CAMK4: variants seen among roughly 807,000 people sequenced by gnomAD.
The protein encoded by CAMK4 is calcium/calmodulin dependent protein kinase IV, also known as calcium/calmodulin-dependent protein kinase type IV.
A neutral mutation model predicts 44.9 loss-of-function variants in CAMK4; 22 were observed. The ratio of observed to expected loss-of-function variants is 0.49; its 90% confidence interval spans 0.35 to 0.70. The LOEUF is 0.70. Among genes scored for constraint, CAMK4 ranks in the 30% least tolerant of loss-of-function variants. CAMK4 has a pLI of 0.01. For missense variants in CAMK4, 498 were observed against 586.8 expected, an observed-to-expected ratio of 0.85 and a Z score of 1.56; for synonymous variants, 218 against 215.4, an observed-to-expected ratio of 1.01 and a Z score of -0.11.
intron 1 of CAMK4, among the ~76,000 whole-genome samples, chr5:111,289,903 C>G (rs1214717733): frequency 6.6e-6 from 1 of 152,184 alleles, no homozygotes; most frequent in Non-Finnish European, 1.5e-5. Context: ...ACCTGTTGGT[C>G]CACAAGTATG....
intron 1 of CAMK4, among the ~76,000 whole-genome samples, chr5:111,326,876 C>A (rs1748913842): frequency 6.6e-6 from 1 of 151,680 alleles, no homozygotes; most frequent in Non-Finnish European, 1.5e-5. Context: ...TGTGCATGGA[C>A]CAATGGCAAC....
rs1755957377 is a variant in CAMK4 at position 111,493,905 on chromosome 5, A to C, written c.*9439A>C. ...AGGGAGCAAGATTGACTGTCATTTG[A>C]ATGATGGAAGAGAAGTAGAATTACT... On this transcript the variant is annotated 3_prime_UTR_variant, in exon 11 of 11. Transcript: ENST00000282356. This position sits in a 1 kb window ranked among gnomAD's most constrained non-coding sequence, Gnocchi z 4.1. The C allele has an allele frequency of 6.6e-6, 1 of 152,132 alleles. No homozygotes were observed. The highest frequency in any genetic ancestry group is 1.5e-5 in the Non-Finnish European group (1 of 68,024). 9.4% of individuals were successfully genotyped at this position (152,132 alleles called of 1,614,324 possible). A position where few individuals can be genotyped will look rare whatever the true frequency, so the allele number is the denominator to read the frequency against.
At chr5:111,426,436 A>G (rs1459571538) in intron 5 of CAMK4, among the ~76,000 whole-genome samples, 2 of 152,220 alleles carry the variant, frequency 1.3e-5, no homozygotes, top group Admixed American at 1.3e-4. Context: ...AGTAAAGAAT[A>G]TAAGATTTGG....
At chr5:111,272,176 G>A (rs1445496611) in intron 1 of CAMK4, among the ~76,000 whole-genome samples, 2 of 151,850 alleles carry the variant, frequency 1.3e-5, no homozygotes, top group African/African-American at 4.8e-5. Flanking sequence ...TTGCCATGAA[G>A]GTCAGAGAGG....
chr5:111,482,778 A>G lies in CAMK4; in HGVS notation c.829-7A>G. 6.2e-7 allele frequency: 1 copy of G among 1,602,134 alleles called. No homozygotes were observed. The highest frequency in any genetic ancestry group is 8.5e-7 in the Non-Finnish European group (1 of 1,176,276). ...CTCGCTAAGTTTATGGTTCTTTATT[A>G]TTTCAGGTCAGAAAATTAATTGTTT... On this transcript the variant is annotated splice_region_variant and splice_polypyrimidine_tract_variant and intron_variant, in intron 9 of 10. Transcript: ENST00000282356. This position sits in a 1 kb window ranked among gnomAD's most constrained non-coding sequence, Gnocchi z 4.9.
chr5:111,231,495 T>C (rs1197340148), intron 1 of CAMK4, among the ~76,000 whole-genome samples: 2 of 152,208 alleles, frequency 1.3e-5, no homozygotes, highest in African/African-American at 2.4e-5. Context: ...CCCTCTCTCC[T>C]CTTGAGAATC....
Position 111,328,941 on chromosome 5 carries a change from A to G in CAMK4, c.162-15083A>G, listed in dbSNP as rs370190659. 2.5e-4 allele frequency among the ~76,000 whole-genome samples: 38 copies of G among 152,040 alleles called. No homozygotes were observed. In the East Asian group the frequency reaches 2.5e-3, roughly 10 times the overall value. On this transcript the variant is annotated intron_variant, in intron 1 of 10. Coordinates refer to ENST00000282356, the MANE Select transcript of CAMK4 (RefSeq NM_001744.6). ...GACGATGGGGTTTTGTAGATGTACA[A>G]TCAATATCCTTGATGAACATCGATG...
chr5:111,405,872 T>A (rs1426179542), intron 5 of CAMK4, among the ~76,000 whole-genome samples: 1 of 152,208 alleles, frequency 6.6e-6, no homozygotes, highest in South Asian at 2.1e-4. Context: ...AGTATGTGAA[T>A]GAAATTTGCT....
At position 111,299,064 on chromosome 5, in the gene CAMK4, C is replaced by G. The variant is rs577069596; in HGVS notation, c.162-44960C>G. On this transcript the variant is annotated intron_variant, in intron 1 of 10. Transcript: ENST00000282356. ...GTATTGTTGTCGTGGGTTATAAATT[C>G]AGGGCTCTGCCCTATAGGCACATGT... 5.9e-5 allele frequency among the ~76,000 whole-genome samples: 9 copies of G among 152,338 alleles called. No homozygotes were observed. In the South Asian group the frequency reaches 1.9e-3, roughly 32 times the overall value.
chr5:111,409,414 C>T (rs1752553334), intron 5 of CAMK4, among the ~76,000 whole-genome samples: 1 of 152,200 alleles, frequency 6.6e-6, no homozygotes, highest in Admixed American at 6.5e-5. Flanking sequence ...CACAAGGCAC[C>T]ATATACCCCA....
chr5:111,340,671 T>C (rs1749603514), intron 1 of CAMK4, among the ~76,000 whole-genome samples: 1 of 151,162 alleles, frequency 6.6e-6, no homozygotes, highest in East Asian at 1.9e-4. Flanking sequence ...TCTTTTCTTA[T>C]AGTGGTCTTG....
intron 4 of CAMK4, among the ~76,000 whole-genome samples, chr5:111,385,842 T>C (rs1751581670): frequency 6.6e-6 from 1 of 152,172 alleles, no homozygotes; most frequent in Non-Finnish European, 1.5e-5. Context: ...CCCAAGGTGC[T>C]GGGATTACAG....
At chr5:111,271,095 C>A (rs903198210) in intron 1 of CAMK4, among the ~76,000 whole-genome samples, 1 of 152,134 alleles carries the variant, frequency 6.6e-6, no homozygotes, top group Non-Finnish European at 1.5e-5. Context: ...CCTCCATGAT[C>A]CAATCACCTC....
intron 2 of CAMK4, among the ~76,000 whole-genome samples, chr5:111,353,563 T>A (rs142505899): frequency 1.4e-3 from 220 of 152,196 alleles, no homozygotes; most frequent in Middle Eastern, 0.01. Context: ...GAAGTAAAAT[T>A]GTCTCTGTAG....
chr5:111,467,674 A>G (rs571449618), intron 7 of CAMK4, among the ~76,000 whole-genome samples: 47 of 152,224 alleles, frequency 3.1e-4, no homozygotes, highest in Non-Finnish European at 2.6e-4. Flanking sequence ...TCCTGCAAGA[A>G]TGGCTATAAT....
intron 1 of CAMK4, among the ~76,000 whole-genome samples, chr5:111,337,506 C>CTT (rs34136669): frequency 9.9e-5 from 13 of 131,152 alleles, no homozygotes; most frequent in African/African-American, 3.3e-4. Context: ...CCTTGCCAGC[C>CTT]TTTTTTTTTT....
intron 1 of CAMK4, among the ~76,000 whole-genome samples, chr5:111,332,441 G>A (rs1397165217): frequency 6.6e-6 from 1 of 151,256 alleles, no homozygotes; most frequent in African/African-American, 2.4e-5. Context: ...AGTATTCCAC[G>A]ATGTATATGT....
intron 4 of CAMK4, among the ~76,000 whole-genome samples, chr5:111,391,778 A>G (rs1481454738): frequency 7.9e-5 from 12 of 152,316 alleles, no homozygotes; most frequent in Admixed American, 6.5e-4. Context: ...AACTAAACCC[A>G]GAACAACTAC....
In CAMK4 at chr5:111,453,653, A is replaced by AT. The variant is rs1265912459; in HGVS notation, c.625+4450_625+4451insT. The stretch of plus-strand genomic sequence containing the variant: ...CAGAGGAGAGCCTCAGGAAAAAAAA[A>AT]GAAAAGTGTATTAAACTTACATATC... On this transcript the variant is annotated intron_variant, in intron 7 of 10. Coordinates refer to ENST00000282356, the MANE Select transcript of CAMK4 (RefSeq NM_001744.6). 2.6e-5 allele frequency among the ~76,000 whole-genome samples: 4 copies of AT among 152,204 alleles called. No individual in the cohort carries two copies. The East Asian group carries it at 7.7e-4, about 29-fold the overall frequency.
Sources: gnomAD v4.1 joint callset for allele counts (sites outside exome capture counted in the v4.1 genomes callset) on GRCh38, gnomAD v4.1.1 for gene constraint, Gnocchi (gnomAD v3.1) non-coding constraint, MANE v1.5 for transcripts, NCBI Gene and HGNC (gene_info 2026-07-23, HGNC 2026-07-21) for gene names.